The following SMYD3 variants were observed in gnomAD, a reference collection of about 807,000 sequenced individuals.
The protein encoded by SMYD3 is histone-lysine N-methyltransferase SMYD3.
SMYD3 carries 36 observed loss-of-function variants against 57.7 expected under a neutral mutation model. The ratio of observed to expected loss-of-function variants is 0.62; its 90% CI spans 0.48 to 0.82. The LOEUF (loss-of-function observed/expected upper bound fraction) is 0.82. Among genes scored for constraint, SMYD3 ranks in the 40% least tolerant of loss-of-function variants. SMYD3 has a pLI of 0.00. For synonymous variants in SMYD3, 211 were observed against 195.0 expected (o/e 1.08, Z -0.68); for missense variants, 515 against 538.8 (o/e 0.96, Z 0.44).
intron 1 of SMYD3, among the ~76,000 whole-genome samples, chr1:246,376,607 A>C (rs967636981): frequency 6.6e-6 from 1 of 151,046 alleles, no homozygotes; most frequent in Admixed American, 6.6e-5. Flanking sequence ...AAAAAAAAAA[A>C]AAACTAAACA....
At chr1:246,155,061 A>G (rs377422922) in intron 5 of SMYD3, among the ~76,000 whole-genome samples, 5 of 152,116 alleles carry the variant, frequency 3.3e-5, no homozygotes, top group East Asian at 3.9e-4. Context: ...GATTACAGGC[A>G]TGAGCCACCG....
intron 5 of SMYD3, among the ~76,000 whole-genome samples, chr1:246,264,297 T>C (rs1161367775): frequency 2.6e-5 from 4 of 152,152 alleles, no homozygotes; most frequent in East Asian, 3.8e-4. Flanking sequence ...AAGCAAGTAG[T>C]AGTAAAAAGG....
At chr1:245,873,216 C>G (rs897400141) in intron 8 of SMYD3, among the ~76,000 whole-genome samples, 4 of 152,146 alleles carry the variant, frequency 2.6e-5, no homozygotes, top group African/African-American at 9.7e-5. Context: ...TTGCACCCTC[C>G]CCCCATACTG....
chr1:246,412,495 T>G (rs1280924975), intron 1 of SMYD3, among the ~76,000 whole-genome samples: 1 of 152,148 alleles, frequency 6.6e-6, no homozygotes, highest in Admixed American at 6.5e-5. Flanking sequence ...ATAAAACATA[T>G]TGAATGACAA....
chr1:245,980,461 T>C (rs1205058878), intron 5 of SMYD3, among the ~76,000 whole-genome samples: 1 of 152,174 alleles, frequency 6.6e-6, no homozygotes, highest in Non-Finnish European at 1.5e-5. Context: ...TGGAAGGACG[T>C]CTGTAGATGT....
intron 10 of SMYD3, among the ~76,000 whole-genome samples, chr1:245,842,236 C>T (rs1026903787): frequency 6.6e-6 from 1 of 152,144 alleles, no homozygotes; most frequent in African/African-American, 2.4e-5. Flanking sequence ...TCATTGTCAG[C>T]AAAACAGGAT....
intron 3 of SMYD3, among the ~76,000 whole-genome samples, chr1:246,334,590 G>C (rs1420124002): frequency 6.6e-6 from 1 of 152,128 alleles, no homozygotes; most frequent in East Asian, 1.9e-4. Context: ...GTGGGCAAGA[G>C]ATGAAAAGCT....
At chr1:246,503,366 T>C (rs1280202267) in intron 1 of SMYD3, among the ~76,000 whole-genome samples, 1 of 152,218 alleles carries the variant, frequency 6.6e-6, no homozygotes, top group Non-Finnish European at 1.5e-5. Context: ...ATATGGAAGC[T>C]GCAGGCAACT....
At chr1:246,117,656 T>C (rs547595714) in intron 5 of SMYD3, among the ~76,000 whole-genome samples, 1 of 152,310 alleles carries the variant, frequency 6.6e-6, no homozygotes, top group African/African-American at 2.4e-5. Flanking sequence ...AAACCCACTA[T>C]GTCATGCAGG....
At chr1:245,927,001 G>C (rs2056419756) in intron 7 of SMYD3, among the ~76,000 whole-genome samples, 1 of 152,234 alleles carries the variant, frequency 6.6e-6, no homozygotes, top group Non-Finnish European at 1.5e-5. Flanking sequence ...AGTTTGGGGA[G>C]AATCTTGTCA....
chr1:246,505,132 G>A (rs1368402721), intron 1 of SMYD3, among the ~76,000 whole-genome samples: 1 of 152,142 alleles, frequency 6.6e-6, no homozygotes, highest in African/African-American at 2.4e-5. Flanking sequence ...TCATTATGAA[G>A]AATCTGTTTA....
chr1:246,029,949 A>G (rs1019946249), intron 5 of SMYD3, among the ~76,000 whole-genome samples: 4 of 151,788 alleles, frequency 2.6e-5, no homozygotes, highest in African/African-American at 9.7e-5. Flanking sequence ...CAAAAAAACT[A>G]AAAGAGAACT....
intron 10 of SMYD3, among the ~76,000 whole-genome samples, chr1:245,787,278 C>T (rs1472443322): frequency 1.3e-5 from 2 of 152,158 alleles, no homozygotes; most frequent in Non-Finnish European, 2.9e-5. Flanking sequence ...GCCTCTCTGT[C>T]TCCCTCTCTC....
Position 246,258,026 on chromosome 1 carries a change from C to T in SMYD3, c.531+69175G>A, listed in dbSNP as rs2148514690. 1.3e-5 allele frequency among the ~76,000 whole-genome samples: 2 copies of T among 149,898 alleles called. 1 individual carries two copies. Among genetic ancestry groups the T allele is most frequent in the East Asian group, 4.2e-4 (2 of 4,760 alleles). On this transcript the variant is annotated intron_variant, in intron 5 of 11. Coordinates refer to ENST00000490107, the MANE Select transcript of SMYD3 (RefSeq NM_001167740.2). ...CAATTGAACTTTTCTTATAAATTAC[C>T]CAGTCTCAGGTATTTCTTTTCTTTT...
chr1:246,009,045 G>A (rs1315064202), intron 5 of SMYD3, among the ~76,000 whole-genome samples: 9 of 152,236 alleles, frequency 5.9e-5, no homozygotes, highest in Middle Eastern at 3.4e-3. Flanking sequence ...TATGAAAAAC[G>A]GGCCTGCTAT....
chr1:245,774,983 C>T (rs1377891799), intron 10 of SMYD3, among the ~76,000 whole-genome samples: 2 of 152,118 alleles, frequency 1.3e-5, no homozygotes, highest in Non-Finnish European at 2.9e-5. Context: ...GGATTGCAGA[C>T]GGAGTCTCGT....
intron 5 of SMYD3, among the ~76,000 whole-genome samples, chr1:246,317,017 T>A (rs2065172529): frequency 6.6e-6 from 1 of 150,656 alleles, no homozygotes; most frequent in African/African-American, 2.4e-5. Context: ...ATAAATAAAA[T>A]AAAAATTTAA....
At chr1:246,023,697 G>A (rs1279320873) in intron 5 of SMYD3, among the ~76,000 whole-genome samples, 2 of 152,060 alleles carry the variant, frequency 1.3e-5, no homozygotes, top group African/African-American at 4.8e-5. Flanking sequence ...AAGACGGCAC[G>A]TTCAGGGGCT....
intron 1 of SMYD3, among the ~76,000 whole-genome samples, chr1:246,405,242 A>C (rs1331291125): frequency 1.3e-5 from 2 of 152,162 alleles, no homozygotes; most frequent in Non-Finnish European, 2.9e-5. Flanking sequence ...ATGAGCCACC[A>C]TGCCTGGCCA....
Sources: allele counts gnomAD v4.1 joint callset (sites outside exome capture counted in the v4.1 genomes callset), GRCh38; gene constraint gnomAD v4.1.1; transcripts MANE v1.5; gene names NCBI Gene and HGNC (gene_info 2026-07-23, HGNC 2026-07-21).